Variants in NBPF26 observed in about 807,000 individuals in gnomAD.
NBPF26 encodes NBPF family member NBPF26.
NBPF26 carries 79 observed loss-of-function variants against 119.6 expected under a neutral mutation model. The ratio of observed to expected loss-of-function variants is 0.66; its 90% CI spans 0.55 to 0.80. The LOEUF (loss-of-function observed/expected upper bound fraction) is 0.80, where lower values mean the gene tolerates loss of function less well. NBPF26 is among the 30% of genes least tolerant of loss of function. NBPF26 has a pLI of 0.00. For synonymous variants in NBPF26, 299 were observed against 457.7 expected (o/e 0.65, Z 4.43); for missense variants, 800 against 1,198.2 (o/e 0.67, Z 4.91).
At position 120,802,731 on chromosome 1, in the gene NBPF26, C is replaced by T. The variant is rs1651596337; in HGVS notation, c.752-2825C>T. Among the ~76,000 whole-genome samples the T allele has an allele frequency of 1.7e-5, 2 of 118,882 alleles. 1 individual carries two copies. The highest frequency in any genetic ancestry group is 9.6e-5 in the African/African-American group (2 of 20,800). The allele number at this position is 118,882 out of a possible 152,430, so 78.0% of individuals were successfully genotyped here. Reference sequence around the variant, plus strand: ...AAGTCTTATAAACCTATTCTAGCCACCTAACTAGAAACTCGAAATTTAACA... The same window carrying T: ...AAGTCTTATAAACCTATTCTAGCCATCTAACTAGAAACTCGAAATTTAACA... On this transcript the variant is annotated intron_variant, in intron 4 of 29. Transcript: ENST00000620612.
chr1:120,779,539 C>A (rs1453400538), intron 2 of NBPF26, among the ~76,000 whole-genome samples: 1 of 120,390 alleles, frequency 8.3e-6, no homozygotes, highest in Non-Finnish European at 1.7e-5. Context: ...AATTAATAAA[C>A]TCCCTACAGG....
At chr1:120,793,240 G>T in exon 4 of NBPF26, 1 of 1,439,778 alleles carries the variant, frequency 6.9e-7, no homozygotes, top group Non-Finnish European at 9.3e-7. Flanking sequence ...TGGCCAACCA[G>T]TTCTCCTGCA....
chr1:120,737,774 C>A (rs1650921590), intron 1 of NBPF26, among the ~76,000 whole-genome samples: 1 of 123,528 alleles, frequency 8.1e-6, no homozygotes, highest in East Asian at 2.0e-4. Context: ...GAGTTACTTT[C>A]TCAGAAAAGG....
intron 1 of NBPF26, among the ~76,000 whole-genome samples, chr1:120,724,816 C>G (rs1306003357): frequency 1.1e-5 from 1 of 94,640 alleles, no homozygotes; most frequent in Non-Finnish European, 2.0e-5. Flanking sequence ...CCAACCCCAC[C>G]GAAAGTCCGG....
Position 120,840,421 on chromosome 1 carries a change from C to A in NBPF26, c.4175C>A (p.Thr1392Asn). Residue 1392 changes from threonine to asparagine, a missense_variant, in exon 30 of 30, where the codon ACT (threonine) becomes AAT (asparagine). Physicochemically the swap from Thr to Asn is moderately conservative, Grantham distance 65. This residue lies in a region of NBPF26 where 155 missense variants were observed against 95.9 expected (regional missense o/e 1.62). Transcript: ENST00000620612. ...GACTCACTGGATATATGTTATTCGA[C>A]TCCGTCAATGTACTTTGAACTACCT... The A allele has an allele frequency of 7.5e-6, 11 of 1,468,066 alleles. 1 individual carries two copies. The highest frequency in any genetic ancestry group is 3.5e-5 in the South Asian group (3 of 84,588). 90.9% of individuals were successfully genotyped at this position (1,468,066 alleles called of 1,614,324 possible).
In NBPF26 at chr1:120,743,756, C is replaced by CA. The variant is rs1425431718; in HGVS notation, c.73+19507dup. ...AGTTTGAAAAAACACCGTAAGCCTG[C>CA]ATTCCAGAAGTTCTGGTATGGATAG... On this transcript the variant is annotated intron_variant, in intron 1 of 29. Transcript: ENST00000620612. 9.9e-3 allele frequency among the ~76,000 whole-genome samples: 1,209 copies of CA among 122,354 alleles called. 274 individuals are homozygous for CA. Among genetic ancestry groups the CA allele is most frequent in the African/African-American group, 0.041 (1,156 of 27,856 alleles). 80.3% of individuals were successfully genotyped at this position (122,354 alleles called of 152,430 possible). A position where few individuals can be genotyped will look rare whatever the true frequency, so the allele number is the denominator to read the frequency against.
rs1482703772 is a variant in NBPF26, at chr1:120,779,383, T to C, written c.156-5591T>C. Among the ~76,000 whole-genome samples, 5 of 101,218 alleles carry C rather than the reference T, an allele frequency of 4.9e-5. 1 individual carries two copies. Among genetic ancestry groups the C allele is most frequent in the Non-Finnish European group, 9.5e-5 (5 of 52,358 alleles). The allele number at this position is 101,218 out of a possible 152,430, so 66.4% of individuals were successfully genotyped here. Reference sequence around the variant, plus strand: ...CCTGGTAAGTATTCAGATTAGTTTATGGAGTTTAAAATGGAAAAATGCTCC... The same window carrying C: ...CCTGGTAAGTATTCAGATTAGTTTACGGAGTTTAAAATGGAAAAATGCTCC... On this transcript the variant is annotated intron_variant, in intron 2 of 29. Transcript: ENST00000620612.
Position 120,770,847 on chromosome 1 carries a change from AAG to A in NBPF26, c.155+7139_155+7140del, listed in dbSNP as rs1651255769. On this transcript the variant is annotated intron_variant, in intron 2 of 29. Transcript: ENST00000620612. The stretch of plus-strand genomic sequence containing the variant: ...TGTGGAACATTTGAAAGTATACAAA[AAG>A]GGGACTTTTCAGATCAGGAATATGA... 1.7e-5 allele frequency among the ~76,000 whole-genome samples: 2 copies of A among 117,250 alleles called. 1 individual carries two copies. Among genetic ancestry groups the A allele is most frequent in the African/African-American group, 9.9e-5 (2 of 20,200 alleles). 76.9% of individuals were successfully genotyped at this position (117,250 alleles called of 152,430 possible). A position where few individuals can be genotyped will look rare whatever the true frequency, so the allele number is the denominator to read the frequency against.
Position 120,801,549 on chromosome 1 carries a change from G to T in NBPF26, c.752-4007G>T, listed in dbSNP as rs1327740569. On this transcript the variant is annotated intron_variant, in intron 4 of 29. Transcript: ENST00000620612. ...AAAAAAAAAAAAAAAGCATTTCAGG[G>T]CCAGGCTCAGTGGTTTACTCCTGTA... 5.2e-5 allele frequency among the ~76,000 whole-genome samples: 5 copies of T among 95,628 alleles called. 2 individuals are homozygous for T. The highest frequency in any genetic ancestry group is 3.5e-4 in the African/African-American group (5 of 14,168). The allele number at this position is 95,628 out of a possible 152,430, so 62.7% of individuals were successfully genotyped here. A position where few individuals can be genotyped will look rare whatever the true frequency, so the allele number is the denominator to read the frequency against.
rs1397295234 is a variant in NBPF26 at position 120,783,758 on chromosome 1, T to G, written c.156-1216T>G. On this transcript the variant is annotated intron_variant, in intron 2 of 29. Coordinates refer to ENST00000620612, the Ensembl canonical transcript of NBPF26. ...CTTAAACGTTAGGGTGGCCATAATA[T>G]ATGGGGAAGAAGGAGAAATCAGCAA... Among the ~76,000 whole-genome samples the G allele has an allele frequency of 1.1e-3, 130 of 116,770 alleles. 32 individuals carry two copies. Among genetic ancestry groups the G allele is most frequent in the African/African-American group, 3.8e-3 (75 of 19,874 alleles). 76.6% of individuals were successfully genotyped at this position (116,770 alleles called of 152,430 possible). A position where few individuals can be genotyped will look rare whatever the true frequency, so the allele number is the denominator to read the frequency against.
chr1:120,816,256 C>T lies in NBPF26; in HGVS notation c.2165+99C>T. On this transcript the variant is annotated intron_variant, in intron 13 of 29. Transcript: ENST00000620612. The stretch of plus-strand genomic sequence containing the variant: ...GCATCTATGATGGACCAAAAACCCG[C>T]ATTCGCTTGGCCACAGTATGTGAAA... The T allele has an allele frequency of 2.3e-5, 15 of 643,292 alleles. 4 individuals carry two copies. In the South Asian group the frequency reaches 2.4e-4, roughly 10 times the overall value. 39.8% of individuals were successfully genotyped at this position (643,292 alleles called of 1,614,324 possible).
rs1652495234 is a variant in NBPF26 at position 120,840,550 on chromosome 1, G to A, written c.4304G>A (p.Ser1435Asn). ...AGGTTTTTTACTTTGACGGTGACAA[G>A]TCTCCACCTGGTGTTCCAGATGGGA... Residue 1435 changes from serine (S) to asparagine (N), a missense_variant, in exon 30 of 30, where the codon AGT (serine) becomes AAT (asparagine). Coordinates refer to ENST00000620612, the Ensembl canonical transcript of NBPF26. The A allele has an allele frequency of 2.8e-5, 41 of 1,467,234 alleles. 8 individuals carry two copies. The South Asian group carries it at 3.9e-4, about 14-fold the overall frequency. 90.9% of individuals were successfully genotyped at this position (1,467,234 alleles called of 1,614,324 possible). A position where few individuals can be genotyped will look rare whatever the true frequency, so the allele number is the denominator to read the frequency against.
chr1:120,831,787 G>GTC (rs1652346732), intron 21 of NBPF26, among the ~76,000 whole-genome samples: 1 of 20,852 alleles, frequency 4.8e-5, no homozygotes, highest in Admixed American at 4.6e-4. Flanking sequence ...GTGTGTGTGT[G>GTC]TGTCTATCTG....
chr1:120,785,220 A>C lies in NBPF26; in HGVS notation c.402A>C (p.Gln134His), dbSNP rs1651412280. 4.2e-6 allele frequency: 6 copies of C among 1,445,376 alleles called. No individual in the cohort carries two copies. The South Asian group carries it at 7.2e-5, about 17-fold the overall frequency. The allele number at this position is 1,445,376 out of a possible 1,614,324, so 89.5% of individuals were successfully genotyped here. The change falls in exon 3 of 30, where the codon CAA (glutamine) becomes CAC (histidine). Residue 134 changes from glutamine (Q) to histidine (H), a missense_variant. This residue lies in a region of NBPF26 where 209 missense variants were observed against 285.2 expected (regional missense o/e 0.73). Coordinates refer to ENST00000620612, the Ensembl canonical transcript of NBPF26. ...GGGATACCTATGAGTGCACCTGTCAAGTCGGGTTTACAGGTAACTAATGAG... is the reference window on the plus strand; with the variant it reads ...GGGATACCTATGAGTGCACCTGTCACGTCGGGTTTACAGGTAACTAATGAG...
intron 4 of NBPF26, among the ~76,000 whole-genome samples, chr1:120,805,229 G>A (rs1273755690): frequency 2.4e-5 from 3 of 125,888 alleles, no homozygotes; most frequent in African/African-American, 7.5e-5. Context: ...CAAAGCCTGG[G>A]CAATTGGAAT....
rs1194099082 is a variant in NBPF26, at chr1:120,783,887, TA to T, written c.156-1086del. ...ATGGAGTGGTTAGCAATTCTCCCTA[TA>T]GGAGAGAGAATTTCCTTATGAAGTT... On this transcript the variant is annotated intron_variant, in intron 2 of 29. Coordinates refer to ENST00000620612, the Ensembl canonical transcript of NBPF26. Among the ~76,000 whole-genome samples, 2 of 105,138 alleles carry T rather than the reference TA, an allele frequency of 1.9e-5. 1 individual carries two copies. Among genetic ancestry groups the T allele is most frequent in the Non-Finnish European group, 3.5e-5 (2 of 56,550 alleles). The allele number at this position is 105,138 out of a possible 152,430, so 69.0% of individuals were successfully genotyped here. A position where few individuals can be genotyped will look rare whatever the true frequency, so the allele number is the denominator to read the frequency against.
chr1:120,784,177 G>A (rs1651396722), intron 2 of NBPF26, among the ~76,000 whole-genome samples: 3 of 117,924 alleles, frequency 2.5e-5, no homozygotes. Flanking sequence ...CTAAGCTGAT[G>A]TCCAGCCCTC....
intron 1 of NBPF26, among the ~76,000 whole-genome samples, chr1:120,759,866 T>C (rs1230567318): frequency 9.0e-6 from 1 of 111,382 alleles, no homozygotes; most frequent in Non-Finnish European, 1.7e-5. Flanking sequence ...AAATGTACAA[T>C]ACCCTATTAT....
At chr1:120,823,752 C>CTG (rs1177031452) in intron 17 of NBPF26, among the ~76,000 whole-genome samples, 1,948 of 73,366 alleles carry the variant, frequency 0.027, 275 homozygotes, top group South Asian at 0.13. Context: ...TGAGCTCGCT[C>CTG]TGTGTGTGTG....
Sources: allele counts gnomAD v4.1 joint callset (sites outside exome capture counted in the v4.1 genomes callset), GRCh38; gene constraint gnomAD v4.1.1; regional missense constraint gnomAD v4.1.1; transcripts MANE v1.5; gene names NCBI Gene and HGNC (gene_info 2026-07-23, HGNC 2026-07-21).